The following ZNF112 variants were observed in gnomAD, a reference collection of about 807,000 sequenced individuals.
ZNF112 encodes the protein zinc finger protein 112 (Y14).
Under a neutral mutation model 77.7 loss-of-function variants are expected in ZNF112, and 37 were observed. That is an observed-to-expected ratio of 0.48 (90% CI 0.37 to 0.63). ZNF112 has a LOEUF of 0.63. Ranked by LOEUF, ZNF112 falls within the 20% of genes least tolerant of loss-of-function variation. The probability of loss-of-function intolerance (pLI) is 0.00; values close to 1 mark genes in which losing one functional copy is unlikely to be tolerated. For synonymous variants in ZNF112, 333 were observed against 363.6 expected, an observed-to-expected ratio of 0.92 and a Z score of 0.96; for missense variants, 950 against 1,077.4, an observed-to-expected ratio of 0.88 and a Z score of 1.66.
intron 1 of ZNF112, among the ~76,000 whole-genome samples, chr19:44,342,352 T>A (rs1007947371): frequency 2.0e-5 from 3 of 152,154 alleles, no homozygotes; most frequent in South Asian, 4.1e-4. Context: ...ACCTGAGACA[T>A]CACTTAGGAG....
chr19:44,347,268 C>T (rs1358310996), intron 1 of ZNF112, among the ~76,000 whole-genome samples: 2 of 151,988 alleles, frequency 1.3e-5, no homozygotes, highest in African/African-American at 4.8e-5. Flanking sequence ...TATTTATGTC[C>T]TTGTATTTAA....
intron 1 of ZNF112, among the ~76,000 whole-genome samples, chr19:44,349,410 C>T (rs1970652978): frequency 6.6e-6 from 1 of 151,858 alleles, no homozygotes; most frequent in African/African-American, 2.4e-5. Context: ...TTTGAAGGCA[C>T]AATGGAGGTG....
upstream of ZNF112, among the ~76,000 whole-genome samples, chr19:44,357,873 T>C (rs983975071): frequency 3.3e-5 from 5 of 152,202 alleles, no homozygotes; most frequent in African/African-American, 1.2e-4. Context: ...ATGGGTTGAC[T>C]CAATCCAGAA....
rs749588315 is a variant in ZNF112, at chr19:44,336,638, T to C, written c.205A>G (p.Arg69Gly). The change falls in exon 3 of 4, where the codon AGA becomes GGA. Residue 69 changes from arginine (R) to glycine (G), a missense_variant. Arg to Gly is a moderately radical substitution (Grantham distance 125). This residue lies in a region of ZNF112 where 560 missense variants were observed against 557.3 expected (regional missense o/e 1.00). Transcript: ENST00000354340. ...CAGTTCTCACCTGAACATCCATCTC[T>C]TGGGGTTTCTGTCTCCACCATCAAA... ...KLLMVETETPRDGCSGRKNQQ... is the reference protein window; with the variant it reads ...KLLMVETETPGDGCSGRKNQQ... The C allele has an allele frequency of 1.8e-5, 29 of 1,613,772 alleles. No homozygotes were observed. Among genetic ancestry groups the C allele is most frequent in the African/African-American group, 2.7e-5 (2 of 74,894 alleles).
rs144019017 is a variant in ZNF112, at chr19:44,329,559, G to C, written c.598C>G (p.His200Asp). ...CRCQQISMKNHFCKCDSVSWL... is the reference protein window; with the variant it reads ...CRCQQISMKNDFCKCDSVSWL... ...CTGACACTGTCACACTTACAGAAAT[G>C]ATTTTTCATGGAAATTTGCTGACAT... Residue 200 changes from histidine (H) to aspartate (D), a missense_variant, in exon 4 of 4, where the codon CAT (histidine) becomes GAT (aspartate). Transcript: ENST00000354340. 1 of 1,603,654 alleles carries C rather than the reference G, an allele frequency of 6.2e-7. No individual in the cohort carries two copies. Among genetic ancestry groups the C allele is most frequent in the Non-Finnish European group, 8.5e-7 (1 of 1,175,220 alleles).
At position 44,365,143 on chromosome 19, in the gene ZNF112, T is replaced by C. The variant is rs141656764; in HGVS notation, c.17+1938A>G. 1.3e-3 allele frequency among the ~76,000 whole-genome samples: 197 copies of C among 152,170 alleles called. 1 individual carries two copies. Among genetic ancestry groups the C allele is most frequent in the Admixed American group, 4.4e-3 (67 of 15,280 alleles). On this transcript the variant is annotated intron_variant, in intron 1 of 4. Coordinates refer to the ZNF112 transcript ENST00000588057. ...TGTTGTTGTTGGAAGGCTTTATCTA[T>C]TAATCAGTTTTGAAATATATATCAG...
At chr19:44,364,192 G>A (rs1007809566) in intron 1 of ZNF112, among the ~76,000 whole-genome samples, 5 of 152,054 alleles carry the variant, frequency 3.3e-5, no homozygotes, top group Non-Finnish European at 5.9e-5. Context: ...TTACAGGTGT[G>A]AGCCACCATG....
Position 44,328,557 on chromosome 19 carries a change from G to C in ZNF112, c.1600C>G (p.Leu534Val). Residue 534 changes from leucine to valine, a missense_variant, in exon 4 of 4, where the codon CTG becomes GTG. Leu to Val is a conservative substitution (Grantham distance 32). Around this residue, in one of 3 missense-constraint regions of ZNF112, gnomAD observed 373 missense variants for 482.8 expected, o/e 0.77. Coordinates refer to ENST00000354340, the MANE Select transcript of ZNF112 (RefSeq NM_013380.4). ...GTGTGGACTCTCTGATGAACATTCA[G>C]AACTGATCTATGATTGAAACCTTTG... is the stretch of plus-strand genomic sequence containing the variant. ...CGKGFNHRSVLNVHQRVHTGE... is the reference protein window; with the variant it reads ...CGKGFNHRSVVNVHQRVHTGE... 6.2e-7 allele frequency: 1 copy of C among 1,604,708 alleles called. No homozygotes were observed. Among genetic ancestry groups the C allele is most frequent in the Non-Finnish European group, 8.5e-7 (1 of 1,173,826 alleles).
At chr19:44,350,349 ACAT>A (rs1216619942) in intron 1 of ZNF112, among the ~76,000 whole-genome samples, 1 of 152,006 alleles carries the variant, frequency 6.6e-6, no homozygotes, top group Non-Finnish European at 1.5e-5. Flanking sequence ...TTGCCCTACC[ACAT>A]GAGAGTTCAA....
chr19:44,360,540 C>T (rs1970845778), upstream of ZNF112, among the ~76,000 whole-genome samples: 1 of 152,102 alleles, frequency 6.6e-6, no homozygotes, highest in Non-Finnish European at 1.5e-5. Context: ...ATGATGTCCA[C>T]CCCAATCATT....
chr19:44,340,916 A>C (rs115579521), intron 1 of ZNF112, among the ~76,000 whole-genome samples: 2 of 152,082 alleles, frequency 1.3e-5, no homozygotes, highest in African/African-American at 4.8e-5. Flanking sequence ...TAATTTGTCA[A>C]ATTTACAGGG....
chr19:44,328,999 A>G lies in ZNF112; in HGVS notation c.1158T>C (p.Asn386=). The change falls in exon 4 of 4, where the codon AAT becomes AAC. Residue 386 remains asparagine, a synonymous_variant. Coordinates refer to ENST00000354340, the MANE Select transcript of ZNF112 (RefSeq NM_013380.4). ...TRDEPHEYEE[N]ENVFNQSSCL... ...ATGAACTCTGATTAAAGACATTCTCATTTTCCTCATATTCATGGGGTTCAT... is the reference window on the plus strand; with the variant it reads ...ATGAACTCTGATTAAAGACATTCTCGTTTTCCTCATATTCATGGGGTTCAT... The G allele has an allele frequency of 6.2e-7, 1 of 1,613,822 alleles. No homozygotes were observed. Among genetic ancestry groups the G allele is most frequent in the Non-Finnish European group, 8.5e-7 (1 of 1,179,892 alleles).
chr19:44,344,705 C>T (rs1456065444), intron 1 of ZNF112, among the ~76,000 whole-genome samples: 1 of 152,160 alleles, frequency 6.6e-6, no homozygotes, highest in Non-Finnish European at 1.5e-5. Flanking sequence ...CAAATCCATA[C>T]ATGATGATGG....
chr19:44,334,769 A>T (rs1206041295), intron 3 of ZNF112, among the ~76,000 whole-genome samples: 1 of 152,274 alleles, frequency 6.6e-6, no homozygotes, highest in African/African-American at 2.4e-5. Flanking sequence ...TGTGGTGTGC[A>T]GAGGGCAAGA....
chr19:44,354,684 A>C (rs2123214949), intron 1 of ZNF112, among the ~76,000 whole-genome samples: 1 of 152,324 alleles, frequency 6.6e-6, no homozygotes, highest in Non-Finnish European at 1.5e-5. Flanking sequence ...ATAAACCCTT[A>C]ACAACCTTGT....
chr19:44,336,844 C>T, intron 2 of ZNF112, 126 bp from the exon 3 acceptor site: 1 of 687,616 alleles, frequency 1.5e-6, no homozygotes, highest in Non-Finnish European at 2.5e-6. Context: ...CTGTTACCTT[C>T]CACTCACTAT....
chr19:44,344,918 AC>A (rs1391031783), intron 1 of ZNF112, among the ~76,000 whole-genome samples: 16 of 152,208 alleles, frequency 1.1e-4, no homozygotes, highest in Admixed American at 4.6e-4. Flanking sequence ...TAATCCCACA[AC>A]CACCCAAGAA....
chr19:44,360,008 G>A (rs2722742), upstream of ZNF112, among the ~76,000 whole-genome samples: 24,053 of 151,934 alleles, frequency 0.16, 2,307 homozygotes, highest in African/African-American at 0.27. Context: ...TGTAATCCCA[G>A]CACTTTGTGG....
chr19:44,328,155 A>C lies in ZNF112; in HGVS notation c.2002T>G (p.Phe668Val), dbSNP rs1375805557. 6.8e-6 allele frequency: 11 copies of C among 1,614,012 alleles called. No homozygotes were observed. The highest frequency in any genetic ancestry group is 9.3e-6 in the Non-Finnish European group (11 of 1,179,978). ...GCCAAAAGTGTTGAGGCCTTACTGAAGCCTTTACCACATTCTTCACATTTA... is the reference window on the plus strand; with the variant it reads ...GCCAAAAGTGTTGAGGCCTTACTGACGCCTTTACCACATTCTTCACATTTA... Reference protein sequence around the residue: ...PYKCEECGKGFSKASTLLAHQ... With the variant: ...PYKCEECGKGVSKASTLLAHQ... The change falls in exon 4 of 4, where the codon TTC (phenylalanine) becomes GTC (valine). Residue 668 changes from phenylalanine to valine, a missense_variant. By Grantham distance (50) the Phe-to-Val change is conservative. Transcript: ENST00000354340.
Sources: allele counts gnomAD v4.1 joint callset (sites outside exome capture counted in the v4.1 genomes callset), GRCh38; gene constraint gnomAD v4.1.1; regional missense constraint gnomAD v4.1.1; transcripts MANE v1.5; gene names NCBI Gene and HGNC (gene_info 2026-07-23, HGNC 2026-07-21).